TTC28: variants seen among roughly 807,000 people sequenced by gnomAD.
TTC28 encodes the protein tetratricopeptide repeat protein 28.
In TTC28, 61 loss-of-function variants were observed where a neutral mutation model predicts 198.0. That is an observed-to-expected ratio of 0.31 (90% CI 0.25 to 0.38). TTC28 has a LOEUF of 0.38. TTC28 is among the 10% of genes least tolerant of loss of function. The probability of loss-of-function intolerance (pLI) is 1.00; values close to 1 mark genes in which losing one functional copy is unlikely to be tolerated. For synonymous variants in TTC28, 1,171 were observed against 1,297.8 expected, an observed-to-expected ratio of 0.90 and a Z score of 2.10; for missense variants, 2,678 against 3,164.0, an observed-to-expected ratio of 0.85 and a Z score of 3.69.
chr22:28,436,929 G>A (rs1480751996), intron 2 of TTC28, among the ~76,000 whole-genome samples: 1 of 152,154 alleles, frequency 6.6e-6, no homozygotes, highest in African/African-American at 2.4e-5. Flanking sequence ...GATATTTTAT[G>A]ATGTAAACTA....
At chr22:28,019,397 T>C (rs1483382820) in intron 13 of TTC28, among the ~76,000 whole-genome samples, 1 of 152,216 alleles carries the variant, frequency 6.6e-6, no homozygotes, top group African/African-American at 2.4e-5. Flanking sequence ...GCATCAGGCA[T>C]GGGACAGTTA....
chr22:28,201,230 T>C (rs1925912513), intron 5 of TTC28, among the ~76,000 whole-genome samples: 1 of 152,182 alleles, frequency 6.6e-6, no homozygotes, highest in Non-Finnish European at 1.5e-5. Context: ...CCAACATGTA[T>C]TGAGCATCTA....
chr22:28,505,474 C>T (rs1325553597), intron 2 of TTC28, among the ~76,000 whole-genome samples: 1 of 152,052 alleles, frequency 6.6e-6, no homozygotes, highest in African/African-American at 2.4e-5. Context: ...GGGTGACAGC[C>T]CACCCAGGAA....
intron 14 of TTC28, among the ~76,000 whole-genome samples, chr22:28,004,681 A>G (rs1413492513): frequency 6.6e-6 from 1 of 152,186 alleles, no homozygotes; most frequent in Non-Finnish European, 1.5e-5. Context: ...GACGGGTAGA[A>G]CAGCAGGCTG....
At position 28,409,743 on chromosome 22, in the gene TTC28, G is replaced by A. The variant is rs1269522883; in HGVS notation, c.382-103100C>T. 5.4e-5 allele frequency among the ~76,000 whole-genome samples: 8 copies of A among 147,184 alleles called. No homozygotes were observed. In the East Asian group the frequency reaches 6.0e-4, roughly 11 times the overall value. On this transcript the variant is annotated intron_variant, in intron 2 of 22. Coordinates refer to ENST00000397906, the MANE Select transcript of TTC28 (RefSeq NM_001145418.2). ...AAGATCTTGGCTCAGCGCAACCTCC[G>A]CCTCCCGGGCTCAAGCAATTCTCCT...
chr22:28,576,713 T>C (rs927156959), intron 2 of TTC28, among the ~76,000 whole-genome samples: 1 of 152,224 alleles, frequency 6.6e-6, no homozygotes, highest in Non-Finnish European at 1.5e-5. Context: ...TCAATCTTGG[T>C]AGGCTATATG....
intron 6 of TTC28, among the ~76,000 whole-genome samples, chr22:28,159,474 T>C (rs1051281705): frequency 6.6e-6 from 1 of 152,118 alleles, no homozygotes; most frequent in Non-Finnish European, 1.5e-5. Context: ...GGCAATATGC[T>C]GAAACCCCAT....
chr22:27,979,585 T>A lies in TTC28; in HGVS notation c.*2636A>T, dbSNP rs564179011. 1 of 152,204 alleles carries A rather than the reference T, an allele frequency of 6.6e-6. No homozygotes were observed. Among genetic ancestry groups the A allele is most frequent in the South Asian group, 2.1e-4 (1 of 4,826 alleles). 9.4% of individuals were successfully genotyped at this position (152,204 alleles called of 1,614,324 possible). On this transcript the variant is annotated 3_prime_UTR_variant, in exon 23 of 23. Coordinates refer to ENST00000397906, the MANE Select transcript of TTC28 (RefSeq NM_001145418.2). ...TTATATAACCCTTTAAAAAGGTAAC[T>A]TAGCTCATGGCTGTGAAAAACCAGA...
At chr22:28,160,824 T>A (rs1394017014) in intron 6 of TTC28, among the ~76,000 whole-genome samples, 1 of 152,228 alleles carries the variant, frequency 6.6e-6, no homozygotes, top group Non-Finnish European at 1.5e-5. Flanking sequence ...GTGCCACTTT[T>A]GTAACTTTTA....
At chr22:28,385,767 T>C (rs2046572391) in intron 2 of TTC28, among the ~76,000 whole-genome samples, 1 of 152,126 alleles carries the variant, frequency 6.6e-6, no homozygotes, top group Non-Finnish European at 1.5e-5. Context: ...TTTAGCTCCA[T>C]CCTAGCTTTC....
chr22:28,096,440 A>T, intron 10 of TTC28, 32 bp from the exon 11 acceptor site: 2 of 1,548,100 alleles, frequency 1.3e-6, no homozygotes, highest in Non-Finnish European at 1.7e-6. Context: ...CGAGGAGTCC[A>T]TAGTGAGTGT....
At chr22:28,431,834 C>T (rs2047433981) in intron 2 of TTC28, among the ~76,000 whole-genome samples, 1 of 151,888 alleles carries the variant, frequency 6.6e-6, no homozygotes, top group South Asian at 2.1e-4. Flanking sequence ...AAAAATGAGC[C>T]GGGCGTGGTG....
intron 5 of TTC28, among the ~76,000 whole-genome samples, chr22:28,168,880 C>T (rs986768219): frequency 6.6e-6 from 1 of 152,164 alleles, no homozygotes. Flanking sequence ...TCAGAGTGAA[C>T]AGGCACCCTA....
chr22:28,027,415 C>G (rs1033176132), intron 13 of TTC28, among the ~76,000 whole-genome samples: 1 of 152,230 alleles, frequency 6.6e-6, no homozygotes, highest in African/African-American at 2.4e-5. Context: ...GACAGCAGAA[C>G]AAAGAGCAAT....
intron 1 of TTC28, among the ~76,000 whole-genome samples, chr22:28,634,376 G>A (rs1473248846): frequency 6.6e-6 from 1 of 151,906 alleles, no homozygotes; most frequent in Non-Finnish European, 1.5e-5. Context: ...TGGCCGTGGT[G>A]GCACGAGCCT....
At position 27,982,853 on chromosome 22, in the gene TTC28, G is replaced by A. The variant is rs1294948651; in HGVS notation, c.6814C>T (p.Pro2272Ser). Residue 2272 changes from proline to serine, a missense_variant, in exon 23 of 23, where the codon CCC becomes TCC. Pro to Ser is a moderately conservative substitution (Grantham distance 74). Around this residue, in one of 8 missense-constraint regions of TTC28, gnomAD observed 622 missense variants for 656.0 expected, o/e 0.95. Transcript: ENST00000397906. The surrounding 1 kb of genome is among the most constrained non-coding windows in gnomAD (Gnocchi z 5.2). Reference sequence around the variant, plus strand: ...TGGGAAGTCTGTGAGTCGCAGCCGGGCGATGGCCGGCCACTGTGCTGGCTC... The same window carrying A: ...TGGGAAGTCTGTGAGTCGCAGCCGGACGATGGCCGGCCACTGTGCTGGCTC... The part of the protein sequence containing the change: ...SPSQHSGRPS[P>S]GCDSQTSQLD... 2 of 1,545,128 alleles carry A rather than the reference G, an allele frequency of 1.3e-6. No individual in the cohort carries two copies.
intron 2 of TTC28, among the ~76,000 whole-genome samples, chr22:28,547,260 A>G (rs907362449): frequency 1.3e-5 from 2 of 152,118 alleles, no homozygotes; most frequent in African/African-American, 4.8e-5. Context: ...CACATGGAAC[A>G]TGGCAGTAAT....
intron 5 of TTC28, among the ~76,000 whole-genome samples, chr22:28,186,292 A>G (rs1425774229): frequency 6.6e-6 from 1 of 152,170 alleles, no homozygotes; most frequent in East Asian, 1.9e-4. Context: ...GATGCATGTT[A>G]TTTGATTAAT....
At chr22:28,310,565 C>T (rs1187016054) in intron 2 of TTC28, among the ~76,000 whole-genome samples, 1 of 152,014 alleles carries the variant, frequency 6.6e-6, no homozygotes, top group Non-Finnish European at 1.5e-5. Context: ...AAACAATAAC[C>T]TAATATTCTA....
Sources: allele counts gnomAD v4.1 joint callset (sites outside exome capture counted in the v4.1 genomes callset), GRCh38; gene constraint gnomAD v4.1.1; regional missense constraint gnomAD v4.1.1; non-coding constraint Gnocchi (gnomAD v3.1); transcripts MANE v1.5; gene names NCBI Gene and HGNC (gene_info 2026-07-23, HGNC 2026-07-21).